CTNNA2: variants seen among roughly 807,000 people sequenced by gnomAD.
CTNNA2 encodes the protein catenin alpha 2.
In CTNNA2, 42 loss-of-function variants were observed where a neutral mutation model predicts 101.0. That is an observed-to-expected ratio of 0.42 (90% CI 0.32 to 0.54). The LOEUF is 0.54. Ranked by LOEUF, CTNNA2 falls within the 20% of genes least tolerant of loss-of-function variation. The pLI is 0.14. For synonymous variants in CTNNA2, 450 were observed against 456.4 expected, an observed-to-expected ratio of 0.99 and a Z score of 0.18; for missense variants, 871 against 1,223.1, an observed-to-expected ratio of 0.71 and a Z score of 4.29.
At chr2:80,521,635 G>A (rs548649890) in intron 9 of CTNNA2, among the ~76,000 whole-genome samples, 125 of 152,228 alleles carry the variant, frequency 8.2e-4, no homozygotes, top group African/African-American at 2.8e-3. Context: ...TGTTAGTCTT[G>A]GAGATAAAAA....
At chr2:80,537,591 CCTGA>C (rs1201632833) in intron 9 of CTNNA2, among the ~76,000 whole-genome samples, 3 of 151,290 alleles carry the variant, frequency 2.0e-5, no homozygotes, top group Non-Finnish European at 4.4e-5. Context: ...TCTGTTGTTT[CCTGA>C]CTTTTTTTTT....
rs542090179 is a variant in CTNNA2, at chr2:80,068,510, C to T, written c.1056+158713C>T. On this transcript the variant is annotated intron_variant, in intron 7 of 18. Transcript: ENST00000402739. ...GCATGAATTTTTTTAAATCCTGTCA[C>T]GCTTTGTTGGCTCACTGCTTTTCAT... Among the ~76,000 whole-genome samples the T allele has an allele frequency of 1.2e-3, 182 of 152,340 alleles. 1 individual carries two copies. The Middle Eastern group carries it at 0.017, about 14-fold the overall frequency.
intron 3 of CTNNA2, among the ~76,000 whole-genome samples, chr2:79,328,220 C>A (rs958409610): frequency 6.6e-6 from 1 of 151,862 alleles, no homozygotes; most frequent in Admixed American, 6.6e-5. Context: ...GACAATGGTA[C>A]AGGGAGAAAA....
At chr2:80,628,946 A>G (rs1008875589) in intron 18 of CTNNA2, among the ~76,000 whole-genome samples, 5 of 152,136 alleles carry the variant, frequency 3.3e-5, no homozygotes, top group African/African-American at 4.8e-5. Context: ...GTAGCTGGCT[A>G]TATGACCTGA....
intron 7 of CTNNA2, among the ~76,000 whole-genome samples, chr2:80,293,814 G>A (rs578155247): frequency 1.1e-4 from 16 of 152,280 alleles, no homozygotes; most frequent in African/African-American, 3.9e-4. Context: ...TTTGGTGTTA[G>A]GGGTATTTGG....
At chr2:80,275,208 G>C (rs1267949422) in intron 7 of CTNNA2, among the ~76,000 whole-genome samples, 2 of 152,246 alleles carry the variant, frequency 1.3e-5, no homozygotes, top group East Asian at 3.9e-4. Flanking sequence ...CAAAACTAGA[G>C]AGAACAAAAT....
At chr2:80,136,988 G>GA (rs1295842516) in intron 7 of CTNNA2, among the ~76,000 whole-genome samples, 1 of 152,148 alleles carries the variant, frequency 6.6e-6, no homozygotes, top group Non-Finnish European at 1.5e-5. Context: ...ATCTTTATGT[G>GA]AAAAGATCTT....
In CTNNA2 at chr2:79,988,938, T is replaced by A. The variant is rs546974358; in HGVS notation, c.1056+79141T>A. Among the ~76,000 whole-genome samples the A allele has an allele frequency of 1.9e-4, 29 of 152,358 alleles. 1 individual carries two copies. The highest frequency in any genetic ancestry group is 7.0e-4 in the African/African-American group (29 of 41,582). On this transcript the variant is annotated intron_variant, in intron 7 of 18. Transcript: ENST00000402739. ...TGTTGAATGATAAAAGTTCTTTTAC[T>A]GTATAGCTTTTGTTCAGGATTTAAT... is the stretch of plus-strand genomic sequence containing the variant.
chr2:80,044,531 A>G (rs543975334), intron 7 of CTNNA2, among the ~76,000 whole-genome samples: 1 of 152,286 alleles, frequency 6.6e-6, no homozygotes, highest in South Asian at 2.1e-4. Flanking sequence ...TACCAAATGC[A>G]GCTGGTATGG....
intron 3 of CTNNA2, among the ~76,000 whole-genome samples, chr2:79,826,730 G>C (rs769316563): frequency 2.6e-5 from 4 of 152,144 alleles, no homozygotes; most frequent in Non-Finnish European, 4.4e-5. Context: ...ATTTCAACAA[G>C]GGCTCTGTGT....
chr2:80,459,422 A>G (rs889806868), intron 9 of CTNNA2, among the ~76,000 whole-genome samples: 4 of 152,214 alleles, frequency 2.6e-5, no homozygotes, highest in Non-Finnish European at 5.9e-5. Context: ...TTCATAAGAT[A>G]TTCATATCTG....
intron 2 of CTNNA2, among the ~76,000 whole-genome samples, chr2:79,720,802 A>ATATGATTCTATATC (rs1296753838): frequency 1.3e-5 from 2 of 152,248 alleles, no homozygotes; most frequent in East Asian, 3.9e-4. Context: ...TTTTCTAGAT[A>ATATGATTCTATATC]TAGAATCATA....
At chr2:79,930,262 G>C (rs1687301270) in intron 7 of CTNNA2, among the ~76,000 whole-genome samples, 1 of 39,988 alleles carries the variant, frequency 2.5e-5, no homozygotes, top group Non-Finnish European at 7.5e-5. Flanking sequence ...AAGAAAGAAA[G>C]AAAGAAAGAA....
At chr2:79,893,773 G>T (rs192714722) in intron 6 of CTNNA2, among the ~76,000 whole-genome samples, 20 of 152,186 alleles carry the variant, frequency 1.3e-4, no homozygotes, top group Admixed American at 3.9e-4. Context: ...GTTCTTTAGA[G>T]ATATTTTAAG....
intron 7 of CTNNA2, among the ~76,000 whole-genome samples, chr2:80,217,467 C>G (rs1488992728): frequency 6.6e-6 from 1 of 152,032 alleles, no homozygotes; most frequent in African/African-American, 2.4e-5. Context: ...GGCCTAATGC[C>G]TTCCCCACAG....
intron 7 of CTNNA2, among the ~76,000 whole-genome samples, chr2:80,130,555 T>G (rs1702357940): frequency 6.6e-6 from 1 of 152,184 alleles, no homozygotes; most frequent in Non-Finnish European, 1.5e-5. Flanking sequence ...ATGCAAGTTA[T>G]GTATACATAA....
Position 80,332,454 on chromosome 2 carries a change from C to T in CTNNA2, c.1057-60757C>T, listed in dbSNP as rs527497811. ...GCGGCTGTCCATGATTGTGAAAAGG[C>T]AAGTGATAAACAAAAACTGGAGAAA... On this transcript the variant is annotated intron_variant, in intron 7 of 18. Transcript: ENST00000402739. Among the ~76,000 whole-genome samples, 31 of 152,220 alleles carry T rather than the reference C, an allele frequency of 2.0e-4. No individual in the cohort carries two copies. The South Asian group carries it at 6.4e-3, about 32-fold the overall frequency.
chr2:80,567,976 G>A (rs949859588), intron 12 of CTNNA2, among the ~76,000 whole-genome samples: 9 of 152,046 alleles, frequency 5.9e-5, no homozygotes, highest in Admixed American at 5.2e-4. Flanking sequence ...AATAAAATTT[G>A]TGCAAGAAAC....
intron 3 of CTNNA2, among the ~76,000 whole-genome samples, chr2:79,781,242 ATGT>A (rs1308119799): frequency 6.6e-6 from 1 of 152,072 alleles, no homozygotes; most frequent in Non-Finnish European, 1.5e-5. Flanking sequence ...AACTGTCATG[ATGT>A]TGGTGGGAGT....
Sources: allele counts gnomAD v4.1 joint callset (sites outside exome capture counted in the v4.1 genomes callset), GRCh38; gene constraint gnomAD v4.1.1; transcripts MANE v1.5; gene names NCBI Gene and HGNC (gene_info 2026-07-23, HGNC 2026-07-21).